NFIL3: variants seen among roughly 807,000 people sequenced by gnomAD.
NFIL3 encodes nuclear factor interleukin-3-regulated protein.
In NFIL3, 5 loss-of-function variants were observed where a neutral mutation model predicts 10.0. The ratio of observed to expected loss-of-function variants is 0.50; its 90% CI spans 0.26 to 1.06. The LOEUF (loss-of-function observed/expected upper bound fraction) is 1.06, where lower values mean the gene tolerates loss of function less well. NFIL3 is among the 50% of genes least tolerant of loss of function. The pLI is 0.13. For missense variants in NFIL3, 436 were observed against 547.6 expected, an observed-to-expected ratio of 0.80 and a Z score of 2.03; for synonymous variants, 202 against 206.5, an observed-to-expected ratio of 0.98 and a Z score of 0.19.
the NFIL3 span, among the ~76,000 whole-genome samples, chr9:91,474,717 G>C: frequency 6.6e-6 from 1 of 152,096 alleles, no homozygotes; most frequent in African/African-American, 2.4e-5. Context: ...AGGTGAGGTG[G>C]AAGAAAGATG....
the NFIL3 span, among the ~76,000 whole-genome samples, chr9:91,476,585 A>AG: frequency 2.0e-5 from 3 of 152,028 alleles, no homozygotes; most frequent in Non-Finnish European, 4.4e-5. Context: ...AAAAAAAAAA[A>AG]CAATGTCCAA....
chr9:91,473,491 C>T, the NFIL3 span, among the ~76,000 whole-genome samples: 6 of 152,228 alleles, frequency 3.9e-5, no homozygotes, highest in East Asian at 1.9e-4. Context: ...AGCAAGGCTC[C>T]GTGGGCGTGG....
chr9:91,414,752 C>G (rs1177579449), intron 1 of NFIL3, among the ~76,000 whole-genome samples: 2 of 152,146 alleles, frequency 1.3e-5, no homozygotes, highest in African/African-American at 4.8e-5. Context: ...AAGAGTTTAT[C>G]AGCATTATGG....
the NFIL3 span, among the ~76,000 whole-genome samples, chr9:91,470,985 A>G: frequency 6.6e-5 from 10 of 152,296 alleles, no homozygotes; most frequent in East Asian, 1.7e-3. Flanking sequence ...GCTGAGAAGA[A>G]TGTATATACT....
At chr9:91,420,682 C>T (rs1833745817) in intron 1 of NFIL3, among the ~76,000 whole-genome samples, 1 of 152,110 alleles carries the variant, frequency 6.6e-6, no homozygotes, top group African/African-American at 2.4e-5. Context: ...AGTTTTCGGT[C>T]AGTTTTCAAC....
chr9:91,450,110 T>C, the NFIL3 span, among the ~76,000 whole-genome samples: 4 of 152,148 alleles, frequency 2.6e-5, no homozygotes, highest in Admixed American at 2.6e-4. Flanking sequence ...TTTATTAGTC[T>C]AGCTAAATTT....
the NFIL3 span, among the ~76,000 whole-genome samples, chr9:91,430,331 C>T: frequency 6.6e-6 from 1 of 152,114 alleles, no homozygotes; most frequent in South Asian, 2.1e-4. Flanking sequence ...TGCCAGGCAT[C>T]CCTTGAACAG....
the NFIL3 span, among the ~76,000 whole-genome samples, chr9:91,450,366 T>C: frequency 0.46 from 69,622 of 151,994 alleles, 20,165 homozygotes; most frequent in African/African-American, 0.82. Context: ...CTGAACTCTG[T>C]CTTTCATGCA....
chr9:91,424,255 C>G (rs1036178753), upstream of NFIL3, among the ~76,000 whole-genome samples: 1 of 152,138 alleles, frequency 6.6e-6, no homozygotes, highest in Non-Finnish European at 1.5e-5. Flanking sequence ...TCCCCGCGAC[C>G]CTCACTTGCT....
the NFIL3 span, among the ~76,000 whole-genome samples, chr9:91,443,757 G>T: frequency 3.3e-5 from 5 of 152,148 alleles, no homozygotes; most frequent in Non-Finnish European, 7.4e-5. Context: ...AGGGGGCAGG[G>T]CTCCCACCTG....
At chr9:91,482,277 A>C in the NFIL3 span, among the ~76,000 whole-genome samples, 1 of 151,720 alleles carries the variant, frequency 6.6e-6, no homozygotes, top group Non-Finnish European at 1.5e-5. Flanking sequence ...ACACAGCATG[A>C]ATCCAGTTTT....
At chr9:91,465,533 C>T in the NFIL3 span, among the ~76,000 whole-genome samples, 1 of 151,920 alleles carries the variant, frequency 6.6e-6, no homozygotes, top group Non-Finnish European at 1.5e-5. Context: ...CCCATTAGAG[C>T]TCTTAACATA....
chr9:91,438,676 G>T, the NFIL3 span, among the ~76,000 whole-genome samples: 4 of 152,054 alleles, frequency 2.6e-5, no homozygotes, highest in African/African-American at 4.8e-5. Context: ...ATTTTGAGTT[G>T]CTTTTTGTGC....
intron 1 of NFIL3, among the ~76,000 whole-genome samples, chr9:91,422,821 T>C (rs1302480706): frequency 1.3e-5 from 2 of 152,194 alleles, no homozygotes; most frequent in African/African-American, 4.8e-5. Flanking sequence ...ATGCGAGCAA[T>C]TCTTGCTTTT....
chr9:91,460,292 TGAGA>T, the NFIL3 span, among the ~76,000 whole-genome samples: 1 of 142,454 alleles, frequency 7.0e-6, no homozygotes, highest in African/African-American at 2.7e-5. Flanking sequence ...TTTTTTTTTT[TGAGA>T]TGGAGTCTCA....
At chr9:91,442,014 T>C in the NFIL3 span, among the ~76,000 whole-genome samples, 1 of 152,194 alleles carries the variant, frequency 6.6e-6, no homozygotes, top group African/African-American at 2.4e-5. Context: ...ACTAGTGAGT[T>C]TTATACTACT....
chr9:91,477,664 G>A, the NFIL3 span, among the ~76,000 whole-genome samples: 2 of 152,092 alleles, frequency 1.3e-5, no homozygotes, highest in South Asian at 2.1e-4. Context: ...TTTCAAGCAC[G>A]TAAAGAAACA....
Position 91,409,631 on chromosome 9 carries a change from A to G in NFIL3, c.1104T>C (p.His368=), listed in dbSNP as rs1833500967. 6.2e-7 allele frequency: 1 copy of G among 1,614,118 alleles called. No individual in the cohort carries two copies. The highest frequency in any genetic ancestry group is 1.3e-5 in the African/African-American group (1 of 74,948). The part of the protein sequence containing the change: ...TSKRHFELEK[H]SAPSMVHSSL... ...AAGAATGTACCATACTTGGGGCACT[A>G]TGCTTTTCGAGTTCGAAATGTCTTT... The change falls in exon 2 of 2, where the codon CAT becomes CAC. Residue 368 remains histidine, a synonymous_variant. Coordinates refer to ENST00000297689, the MANE Select transcript of NFIL3 (RefSeq NM_005384.3).
chr9:91,419,297 T>C (rs935191589), intron 1 of NFIL3, among the ~76,000 whole-genome samples: 3 of 152,172 alleles, frequency 2.0e-5, no homozygotes, highest in Non-Finnish European at 4.4e-5. Flanking sequence ...GCCCAGGCAA[T>C]ATGACTGCAC....
Sources: gnomAD v4.1 joint callset for allele counts (sites outside exome capture counted in the v4.1 genomes callset) on GRCh38, gnomAD v4.1.1 for gene constraint, MANE v1.5 for transcripts, NCBI Gene and HGNC (gene_info 2026-07-23, HGNC 2026-07-21) for gene names.